The following CBLB variants were observed in gnomAD, a reference collection of about 807,000 sequenced individuals.
CBLB encodes Cbl proto-oncogene B.
CBLB carries 31 observed loss-of-function variants against 104.9 expected under a neutral mutation model. The observed-to-expected ratio is 0.30, with a 90% CI of 0.22 to 0.40. CBLB has a LOEUF of 0.40. Ranked by LOEUF, CBLB falls within the 10% of genes least tolerant of loss-of-function variation. The probability of loss-of-function intolerance (pLI) is 1.00; values close to 1 mark genes in which losing one functional copy is unlikely to be tolerated. For synonymous variants in CBLB, 440 were observed against 422.6 expected (o/e 1.04, Z -0.51); for missense variants, 1,062 against 1,214.6 (o/e 0.87, Z 1.87).
At chr3:105,804,004 G>A (rs1000237537) in intron 3 of CBLB, among the ~76,000 whole-genome samples, 4 of 152,100 alleles carry the variant, frequency 2.6e-5, no homozygotes, top group Non-Finnish European at 4.4e-5. Flanking sequence ...ACTTTATGAA[G>A]TTAGTTCTCA....
At chr3:105,808,867 C>T (rs372694230) in intron 3 of CBLB, among the ~76,000 whole-genome samples, 8 of 152,040 alleles carry the variant, frequency 5.3e-5, no homozygotes, top group African/African-American at 1.9e-4. Context: ...AGAGTATATT[C>T]AAAAATAGGA....
At chr3:105,727,700 G>A (rs1024163700) in intron 9 of CBLB, among the ~76,000 whole-genome samples, 23 of 151,996 alleles carry the variant, frequency 1.5e-4, no homozygotes, top group Admixed American at 9.2e-4. Context: ...TCTTTAATCC[G>A]TCTTGAGTTA....
chr3:105,806,479 CAAAAA>C lies in CBLB; in HGVS notation c.420-29942_420-29938del, dbSNP rs367966052. Among the ~76,000 whole-genome samples, 9 of 125,056 alleles carry C rather than the reference CAAAAA, an allele frequency of 7.2e-5. No individual in the cohort carries two copies. The East Asian group carries it at 9.2e-4, about 13-fold the overall frequency. 82.0% of individuals were successfully genotyped at this position (125,056 alleles called of 152,430 possible). A position where few individuals can be genotyped will look rare whatever the true frequency, so the allele number is the denominator to read the frequency against. The stretch of plus-strand genomic sequence containing the variant: ...GGTTTGTGACCTAATACTAAAACCT[CAAAAA>C]AAAAAAAAAAACAGAAATTGTGTGA... On this transcript the variant is annotated intron_variant, in intron 3 of 18. Coordinates refer to ENST00000394030, the MANE Select transcript of CBLB (RefSeq NM_170662.5).
chr3:105,677,752 G>C (rs537196094), intron 17 of CBLB, among the ~76,000 whole-genome samples: 76 of 149,332 alleles, frequency 5.1e-4, no homozygotes, highest in African/African-American at 1.8e-3. Context: ...ATCCTCTTTT[G>C]AAATTTTAAA....
At position 105,802,905 on chromosome 3, in the gene CBLB, T is replaced by A. The variant is rs555822995; in HGVS notation, c.420-26363A>T. 8.3e-4 allele frequency among the ~76,000 whole-genome samples: 126 copies of A among 152,330 alleles called. 1 individual carries two copies. The highest frequency in any genetic ancestry group is 3.0e-3 in the African/African-American group (124 of 41,584). On this transcript the variant is annotated intron_variant, in intron 3 of 18. Transcript: ENST00000394030. ...AATTTATACACATATATGTATATATTTTGATACAGTGTTCCATTACACCAG... is the reference window on the plus strand; with the variant it reads ...AATTTATACACATATATGTATATATATTGATACAGTGTTCCATTACACCAG...
intron 5 of CBLB, among the ~76,000 whole-genome samples, chr3:105,749,922 A>T (rs2076440743): frequency 1.3e-5 from 2 of 152,332 alleles, no homozygotes; most frequent in South Asian, 4.1e-4. Flanking sequence ...TAAAATAATC[A>T]AAAGCACACT....
At chr3:105,748,459 C>G (rs1030855706) in intron 5 of CBLB, among the ~76,000 whole-genome samples, 1 of 152,130 alleles carries the variant, frequency 6.6e-6, no homozygotes, top group Non-Finnish European at 1.5e-5. Flanking sequence ...CCTGCTACCC[C>G]CAAATGTAGT....
intron 9 of CBLB, among the ~76,000 whole-genome samples, chr3:105,722,788 G>A (rs2073069950): frequency 6.6e-6 from 1 of 152,170 alleles, no homozygotes; most frequent in South Asian, 2.1e-4. Flanking sequence ...TGAAGGGGGA[G>A]GAGGTGAAAG....
At chr3:105,706,153 TAAAA>T (rs1043475362) in intron 10 of CBLB, among the ~76,000 whole-genome samples, 1 of 151,670 alleles carries the variant, frequency 6.6e-6, no homozygotes, top group African/African-American at 2.4e-5. Flanking sequence ...AAAAAAATAA[TAAAA>T]TAAATAAATC....
chr3:105,775,661 G>A (rs1244160574), intron 4 of CBLB, among the ~76,000 whole-genome samples: 4 of 152,090 alleles, frequency 2.6e-5, no homozygotes, highest in Admixed American at 6.6e-5. Context: ...GCTCATTCTT[G>A]ATCATTTTAC....
At chr3:105,779,572 T>A (rs1463767045) in intron 3 of CBLB, among the ~76,000 whole-genome samples, 2 of 152,006 alleles carry the variant, frequency 1.3e-5, no homozygotes, top group African/African-American at 4.8e-5. Flanking sequence ...ACTCCATATA[T>A]ATGTAAATAA....
intron 3 of CBLB, among the ~76,000 whole-genome samples, chr3:105,806,626 C>T (rs760291518): frequency 6.6e-6 from 1 of 152,038 alleles, no homozygotes; most frequent in African/African-American, 2.4e-5. Context: ...TCAAAGAACA[C>T]AGACATGCCA....
chr3:105,681,687 G>A, intron 15 of CBLB, 37 bp downstream of exon 15: 1 of 1,597,436 alleles, frequency 6.3e-7, no homozygotes, highest in African/African-American at 1.3e-5. Flanking sequence ...TGACCATTAA[G>A]ATGTACATCA....
At chr3:105,709,553 T>C (rs1208994448) in intron 10 of CBLB, among the ~76,000 whole-genome samples, 1 of 151,902 alleles carries the variant, frequency 6.6e-6, no homozygotes, top group African/African-American at 2.4e-5. Context: ...TACTCAATGT[T>C]TATTAGCATT....
chr3:105,818,402 T>A (rs2085351632), intron 3 of CBLB, among the ~76,000 whole-genome samples: 1 of 152,066 alleles, frequency 6.6e-6, no homozygotes, highest in African/African-American at 2.4e-5. Context: ...AGAAGGACAT[T>A]TAAAAAGTAA....
At chr3:105,822,464 T>G (rs2086008541) in intron 3 of CBLB, among the ~76,000 whole-genome samples, 2 of 152,160 alleles carry the variant, frequency 1.3e-5, no homozygotes, top group Admixed American at 6.6e-5. Context: ...GAATTGGATC[T>G]CCCTCTTCTT....
Position 105,657,229 on chromosome 3 carries a change from A to G in CBLB, c.*1741T>C, listed in dbSNP as rs1412179268. 4.5e-6 allele frequency: 1 copy of G among 221,146 alleles called. No homozygotes were observed. The highest frequency in any genetic ancestry group is 2.2e-5 in the African/African-American group (1 of 44,702). 13.7% of individuals were successfully genotyped at this position (221,146 alleles called of 1,614,324 possible). ...GTCTACGTGTCTTTTGTATAACATTAATTTCCACCAGATCTACTAGATGTT... is the reference window on the plus strand; with the variant it reads ...GTCTACGTGTCTTTTGTATAACATTGATTTCCACCAGATCTACTAGATGTT... On this transcript the variant is annotated 3_prime_UTR_variant, in exon 19 of 19. Coordinates refer to ENST00000394030, the MANE Select transcript of CBLB (RefSeq NM_170662.5).
chr3:105,741,071 T>G (rs1272494568), intron 6 of CBLB, among the ~76,000 whole-genome samples: 1 of 149,200 alleles, frequency 6.7e-6, no homozygotes, highest in Non-Finnish European at 1.5e-5. Context: ...TATATTCCTT[T>G]GTAATTTAGA....
intron 14 of CBLB, 179 bp from the exon 15 acceptor site, chr3:105,681,997 A>G: frequency 1.7e-6 from 1 of 593,464 alleles, no homozygotes; most frequent in Non-Finnish European, 3.0e-6. Flanking sequence ...AAAATGTAGA[A>G]GTAAATATCT....
Sources: gnomAD v4.1 joint callset for allele counts (sites outside exome capture counted in the v4.1 genomes callset) on GRCh38, gnomAD v4.1.1 for gene constraint, MANE v1.5 for transcripts, NCBI Gene and HGNC (gene_info 2026-07-23, HGNC 2026-07-21) for gene names.